The following EPS8L2 variants were observed in gnomAD, a reference collection of about 807,000 sequenced individuals.
EPS8L2 encodes the protein epidermal growth factor receptor kinase substrate 8-like protein 2.
A neutral mutation model predicts 99.4 loss-of-function variants in EPS8L2; 81 were observed. The observed-to-expected ratio is 0.82, with a 90% CI of 0.68 to 0.98. The LOEUF is 0.98. Among genes scored for constraint, EPS8L2 ranks in the 50% least tolerant of loss-of-function variants. The pLI is 0.00. For missense variants in EPS8L2, 1,155 were observed against 968.8 expected, an observed-to-expected ratio of 1.19 and a Z score of -2.55; for synonymous variants, 509 against 407.3, an observed-to-expected ratio of 1.25 and a Z score of -3.01.
rs1265114572 is a variant in EPS8L2, at chr11:726,171, G to C, written c.1753+1G>C. On this transcript the variant is annotated splice_donor_variant, in intron 18 of 20. Coordinates refer to ENST00000318562, the MANE Select transcript of EPS8L2 (RefSeq NM_022772.4). LOFTEE classifies it high-confidence loss of function. ...CCAAGCTTCCCGGGGAACAAAGACG[G>C]TGAGAGCTGCTGCTTCGAGGCGGGG... is the stretch of plus-strand genomic sequence containing the variant. The C allele has an allele frequency of 6.2e-7, 1 of 1,608,004 alleles. No homozygotes were observed. Among genetic ancestry groups the C allele is most frequent in the East Asian group, 2.2e-5 (1 of 44,614 alleles).
In EPS8L2 at chr11:721,298, G is replaced by A. The variant is rs1252676302; in HGVS notation, c.714G>A (p.Arg238=). 9.7e-6 allele frequency: 15 copies of A among 1,540,432 alleles called. No individual in the cohort carries two copies. Among genetic ancestry groups the A allele is most frequent in the Non-Finnish European group, 1.2e-5 (14 of 1,146,666 alleles). Residue 238 remains arginine (R), a synonymous_variant, in exon 9 of 21, where the codon CGG becomes CGA. Transcript: ENST00000318562. ...GTCCCCCATCAGGTTTCCGCCGTCGGGAGTCGCAGGAGGAGCCGCGGGCCG... is the reference window on the plus strand; with the variant it reads ...GTCCCCCATCAGGTTTCCGCCGTCGAGAGTCGCAGGAGGAGCCGCGGGCCG... ...VPLSEPGFRR[R]ESQEEPRAVL...
intron 11 of EPS8L2, 23 bp downstream of exon 11, chr11:722,014 T>TGCCCC (rs1373012363): frequency 2.5e-6 from 4 of 1,606,072 alleles, no homozygotes; most frequent in African/African-American, 1.3e-5. Flanking sequence ...GCCCCAGCCC[T>TGCCCC]GCCCCACTGT....
Position 720,647 on chromosome 11 carries a change from C to T in EPS8L2, c.378C>T (p.Val126=), listed in dbSNP as rs1862131906. The T allele has an allele frequency of 6.3e-7, 1 of 1,599,064 alleles. No homozygotes were observed. The highest frequency in any genetic ancestry group is 8.5e-7 in the Non-Finnish European group (1 of 1,174,440). The change falls in exon 6 of 21, where the codon GTC becomes GTT. Residue 126 remains valine (V), a synonymous_variant. Transcript: ENST00000318562. ...PLPTVQRSQT[V]LNQLRYPSVL... is the part of the protein sequence containing the mutation. ...CCACGGTGCAGCGCAGCCAGACGGT[C>T]CTCAACCAGCTGCGCTACCCGTCTG...
Position 726,887 on chromosome 11 carries a change from T to C in EPS8L2, c.2068-14T>C, listed in dbSNP as rs1338345660. ...GGACCCCCGGCTGAGGATGCCCCCA[T>C]TTCTCCTCCCTAGAAGCAGCAAAGT... On this transcript the variant is annotated splice_polypyrimidine_tract_variant and intron_variant, in intron 20 of 20. Coordinates refer to ENST00000318562, the MANE Select transcript of EPS8L2 (RefSeq NM_022772.4). The C allele has an allele frequency of 6.2e-7, 1 of 1,610,948 alleles. No individual in the cohort carries two copies. The highest frequency in any genetic ancestry group is 2.2e-5 in the East Asian group (1 of 44,820).
At chr11:713,338 C>T (rs1861937273) in intron 4 of EPS8L2, among the ~76,000 whole-genome samples, 1 of 152,222 alleles carries the variant, frequency 6.6e-6, no homozygotes, top group Admixed American at 6.5e-5. Flanking sequence ...TGGTGGCTAC[C>T]CCCAACCTCT....
At chr11:726,232 G>GT (rs1006861311) in intron 18 of EPS8L2, 62 bp downstream of exon 18, 1 of 1,460,138 alleles carries the variant, frequency 6.8e-7, no homozygotes, top group Non-Finnish European at 9.3e-7. Flanking sequence ...GAGGAAGTGT[G>GT]GGGGGGGTCC....
Position 726,451 on chromosome 11 carries a change from G to C in EPS8L2, c.1901G>C (p.Arg634Pro). Reference protein sequence around the residue: ...LTYESGPDEVRAWLEAKAFSP... With the variant: ...LTYESGPDEVPAWLEAKAFSP... ...TACGAGTCGGGTCCGGACGAGGTCC[G>C]CGCCTGGCTGGAAGCCAAGGCCTTC... The change falls in exon 19 of 21, where the codon CGC becomes CCC. Residue 634 changes from arginine (R) to proline (P), a missense_variant. Coordinates refer to ENST00000318562, the MANE Select transcript of EPS8L2 (RefSeq NM_022772.4). 1 of 1,582,278 alleles carries C rather than the reference G, an allele frequency of 6.3e-7. No homozygotes were observed. The highest frequency in any genetic ancestry group is 8.6e-7 in the Non-Finnish European group (1 of 1,165,880).
intron 5 of EPS8L2, 114 bp downstream of exon 5, chr11:720,337 C>T: frequency 4.9e-6 from 6 of 1,215,506 alleles, no homozygotes; most frequent in Non-Finnish European, 5.7e-6. Flanking sequence ...CATGCCCTAT[C>T]ATTCTGGTCC....
At chr11:709,514 G>A in intron 2 of EPS8L2, 39 bp from the exon 3 acceptor site, 1 of 1,611,438 alleles carries the variant, frequency 6.2e-7, no homozygotes, top group South Asian at 1.1e-5. Flanking sequence ...CCAGGGAGGG[G>A]TGCAGTTTGG....
intron 4 of EPS8L2, among the ~76,000 whole-genome samples, chr11:718,377 C>T (rs925655426): frequency 7.2e-5 from 11 of 152,010 alleles, no homozygotes; most frequent in Non-Finnish European, 1.2e-4. Flanking sequence ...CCCGCCAAAC[C>T]GACAAAACAC....
At chr11:721,795 T>G (rs774858630) in intron 10 of EPS8L2, 104 bp downstream of exon 10, 2 of 1,507,512 alleles carry the variant, frequency 1.3e-6, no homozygotes, top group African/African-American at 2.7e-5. Flanking sequence ...GGGCTACTCA[T>G]GGAGGTGGAG....
intron 3 of EPS8L2, chr11:710,040 G>T: frequency 2.9e-6 from 1 of 348,774 alleles, no homozygotes; most frequent in Non-Finnish European, 5.4e-6. Flanking sequence ...GCCTAGTCTG[G>T]AAAGCGAGAA....
chr11:721,401 A>C (rs1006703351), intron 9 of EPS8L2, 49 bp downstream of exon 9: 1 of 1,531,642 alleles, frequency 6.5e-7, no homozygotes, highest in African/African-American at 1.4e-5. Flanking sequence ...CGCCCCCAGC[A>C]GTGGACACTG....
At chr11:715,179 T>C (rs1034955269) in intron 4 of EPS8L2, among the ~76,000 whole-genome samples, 49 of 152,120 alleles carry the variant, frequency 3.2e-4, no homozygotes, top group African/African-American at 7.7e-4. Flanking sequence ...GAGGCGGAGC[T>C]TGCAGTAAGC....
chr11:710,333 C>A, intron 3 of EPS8L2, 89 bp from the exon 4 acceptor site: 1 of 1,316,158 alleles, frequency 7.6e-7, no homozygotes, highest in Non-Finnish European at 1.1e-6. Flanking sequence ...CTCCGCTTGA[C>A]TCCACCTTCC....
rs1018278866 is a variant in EPS8L2, at chr11:720,355, A to C, written c.327+132A>C. The C allele has an allele frequency of 2.2e-5, 25 of 1,148,094 alleles. No homozygotes were observed. The South Asian group carries it at 3.5e-4, about 16-fold the overall frequency. The allele number at this position is 1,148,094 out of a possible 1,614,324, so 71.1% of individuals were successfully genotyped here. A position where few individuals can be genotyped will look rare whatever the true frequency, so the allele number is the denominator to read the frequency against. ...GCCCTATCATTCTGGTCCCTGGAAG[A>C]GGATGGGACAAGGGTGGGCAGAGGG... is the stretch of plus-strand genomic sequence containing the variant. On this transcript the variant is annotated intron_variant, in intron 5 of 20. Coordinates refer to ENST00000318562, the MANE Select transcript of EPS8L2 (RefSeq NM_022772.4).
At chr11:708,514 CTG>C (rs1861792443) in intron 1 of EPS8L2, 1 of 152,292 alleles carries the variant, frequency 6.6e-6, no homozygotes, top group African/African-American at 2.4e-5. Flanking sequence ...GGCAGTGATA[CTG>C]TGTGTTGGGG....
intron 5 of EPS8L2, 112 bp downstream of exon 5, chr11:720,335 A>G: frequency 8.2e-7 from 1 of 1,223,654 alleles, no homozygotes; most frequent in Non-Finnish European, 1.1e-6. Context: ...GCCATGCCCT[A>G]TCATTCTGGT....
At chr11:726,568 C>T (rs772975205) in intron 19 of EPS8L2, 51 bp from the exon 20 acceptor site, 1 of 1,512,844 alleles carries the variant, frequency 6.6e-7, no homozygotes, top group African/African-American at 1.4e-5. Context: ...GGGCGGGCGC[C>T]AGGCAGCCTC....
Sources: gnomAD v4.1 joint callset for allele counts (sites outside exome capture counted in the v4.1 genomes callset) on GRCh38, gnomAD v4.1.1 for gene constraint, MANE v1.5 for transcripts, NCBI Gene and HGNC (gene_info 2026-07-23, HGNC 2026-07-21) for gene names.